APOBEC3A: variants seen among roughly 807,000 people sequenced by gnomAD.
APOBEC3A encodes the protein DNA dC->dU-editing enzyme APOBEC-3A.
In APOBEC3A, 13 loss-of-function variants were observed where a neutral mutation model predicts 23.0. That is an observed-to-expected ratio of 0.57 (90% CI 0.37 to 0.90). The LOEUF (loss-of-function observed/expected upper bound fraction) is 0.90, where lower values mean the gene tolerates loss of function less well. Ranked by LOEUF, APOBEC3A falls within the 40% of genes least tolerant of loss-of-function variation. The pLI, the probability that APOBEC3A is intolerant of heterozygous loss-of-function variation, is 0.01. For synonymous variants in APOBEC3A, 74 were observed against 101.3 expected, an observed-to-expected ratio of 0.73 and a Z score of 1.62; for missense variants, 179 against 264.9, an observed-to-expected ratio of 0.68 and a Z score of 2.25.
intron 1 of APOBEC3A, among the ~76,000 whole-genome samples, chr22:38,958,962 G>A (rs1420246269): frequency 2.0e-5 from 3 of 152,098 alleles, no homozygotes; most frequent in Non-Finnish European, 4.4e-5. Flanking sequence ...AGGTGGGGCT[G>A]GTGTTTCCAG....
chr22:38,962,023 C>G (rs1386062572), intron 3 of APOBEC3A, 75 bp from the exon 4 acceptor site: 35 of 1,541,478 alleles, frequency 2.3e-5, no homozygotes, highest in Admixed American at 7.5e-5. Context: ...GAAGTCTGTC[C>G]TGAGAGTCAT....
intron 1 of APOBEC3A, 82 bp downstream of exon 1, chr22:38,957,802 A>G: frequency 6.5e-7 from 1 of 1,532,276 alleles, no homozygotes; most frequent in South Asian, 1.2e-5. Flanking sequence ...CTCACCCTCA[A>G]ACCCCTGGGG....
At chr22:38,959,727 A>T in intron 2 of APOBEC3A, 41 bp downstream of exon 2, 1 of 1,598,804 alleles carries the variant, frequency 6.3e-7, no homozygotes, top group Non-Finnish European at 8.5e-7. Flanking sequence ...GGGCCCTTCC[A>T]ATCCAGGGAC....
intron 3 of APOBEC3A, 115 bp from the exon 4 acceptor site, chr22:38,961,983 G>A (rs546451620): frequency 1.4e-6 from 2 of 1,381,814 alleles, no homozygotes; most frequent in Non-Finnish European, 1.9e-6. Context: ...GGGAGGGAGA[G>A]GGAAAGGAGG....
rs140765870 is a variant in APOBEC3A, at chr22:38,959,610, T to C, written c.98T>C (p.Leu33Pro). 1.2e-6 allele frequency: 2 copies of C among 1,614,024 alleles called. No homozygotes were observed. Among genetic ancestry groups the C allele is most frequent in the Non-Finnish European group, 8.5e-7 (1 of 1,180,006 alleles). ...NNGIGRHKTY[L>P]CYEVERLDNG... ...GGCATTGGAAGGCATAAGACCTACC[T>C]GTGCTACGAAGTGGAGCGCCTGGAC... is the stretch of plus-strand genomic sequence containing the variant. Residue 33 changes from leucine (L) to proline (P), a missense_variant, in exon 2 of 5, where the codon CTG (leucine) becomes CCG (proline). Physicochemically the swap from Leu to Pro is moderately conservative, Grantham distance 98 (BLOSUM62 -3). Around this residue, in one of 5 missense-constraint regions of APOBEC3A, gnomAD observed 87 missense variants for 74.5 expected, o/e 1.17. Coordinates refer to ENST00000249116, the MANE Select transcript of APOBEC3A (RefSeq NM_145699.4).
Position 38,962,560 on chromosome 22 carries a change from A to C in APOBEC3A, c.*51A>C, listed in dbSNP as rs2146275757. 1.3e-6 allele frequency: 2 copies of C among 1,514,946 alleles called. No homozygotes were observed. Among genetic ancestry groups the C allele is most frequent in the East Asian group, 4.9e-5 (2 of 40,940 alleles). The allele number at this position is 1,514,946 out of a possible 1,614,324, so 93.8% of individuals were successfully genotyped here. A position where few individuals can be genotyped will look rare whatever the true frequency, so the allele number is the denominator to read the frequency against. On this transcript the variant is annotated 3_prime_UTR_variant, in exon 5 of 5. Coordinates refer to ENST00000249116, the MANE Select transcript of APOBEC3A (RefSeq NM_145699.4). ...GGCAGAGACCTGGGTTGAGCAGCAG[A>C]ATAAAAGATCTTCTTCCAAGAAATG...
rs753216422 is a variant in APOBEC3A at position 38,962,237 on chromosome 22, G to A, written c.585+24G>A. The A allele has an allele frequency of 3.6e-5, 58 of 1,613,600 alleles. 1 individual carries two copies. Among genetic ancestry groups the A allele is most frequent in the African/African-American group, 8.0e-5 (6 of 74,824 alleles). On this transcript the variant is annotated intron_variant, in intron 4 of 4. Transcript: ENST00000249116. ...AGGTGAGGGCTTCCTCCCTCTGCCC[G>A]GTGCCCCATCGGCCTCCCCCTCCTC...
intron 1 of APOBEC3A, among the ~76,000 whole-genome samples, chr22:38,958,759 ATC>A (rs368242761): frequency 1.3e-5 from 1 of 75,646 alleles, no homozygotes; most frequent in Non-Finnish European, 2.4e-5. Flanking sequence ...TCCTTCCTCC[ATC>A]TCTCTTTCTC....
Position 38,962,502 on chromosome 22 carries a change from G to C in APOBEC3A, c.593G>C (p.Gly198Ala). ...ACCCCCCTGCTCTTCCAGAATCAGG[G>C]AAACTGAAGGATGGGCCTCAGTCTC... Reference protein sequence around the residue: ...GRLRAILQNQGN With the variant: ...GRLRAILQNQAN The change falls in exon 5 of 5, where the codon GGA becomes GCA. Residue 198 changes from glycine to alanine, a missense_variant. Coordinates refer to ENST00000249116, the MANE Select transcript of APOBEC3A (RefSeq NM_145699.4). 6.3e-7 allele frequency: 1 copy of C among 1,596,694 alleles called. No individual in the cohort carries two copies. The highest frequency in any genetic ancestry group is 8.5e-7 in the Non-Finnish European group (1 of 1,171,944).
chr22:38,962,949 C>T lies in APOBEC3A; in HGVS notation c.*440C>T, dbSNP rs1416065341. 24 of 162,264 alleles carry T rather than the reference C, an allele frequency of 1.5e-4. 3 individuals are homozygous for T. In the Admixed American group the frequency reaches 1.6e-3, roughly 11 times the overall value. The allele number at this position is 162,264 out of a possible 1,614,324, so 10.1% of individuals were successfully genotyped here. On this transcript the variant is annotated 3_prime_UTR_variant, in exon 5 of 5. Transcript: ENST00000249116. ...CTCCAGCCTGGGCGACAGTACCAGA[C>T]TCCATCTCAAAAAAAAAAAAACCAG...
chr22:38,958,502 TTTCTTTCA>T (rs1466913181), intron 1 of APOBEC3A, among the ~76,000 whole-genome samples: 1 of 149,248 alleles, frequency 6.7e-6, no homozygotes, highest in Non-Finnish European at 1.5e-5. Flanking sequence ...TTTCTTTCTT[TTTCTTTCA>T]TTCTTTCCTT....
chr22:38,958,030 T>C (rs1922648719), intron 1 of APOBEC3A, among the ~76,000 whole-genome samples: 1 of 152,260 alleles, frequency 6.6e-6, no homozygotes, highest in African/African-American at 2.4e-5. Flanking sequence ...CACTTGTCTT[T>C]AAATGAGCAT....
intron 3 of APOBEC3A, 55 bp from the exon 4 acceptor site, chr22:38,962,043 G>A (rs1274842388): frequency 2.2e-5 from 35 of 1,572,002 alleles, no homozygotes; most frequent in Non-Finnish European, 2.9e-5. Flanking sequence ...TGGGCCCTAG[G>A]TGCCACCCCG....
At position 38,962,174 on chromosome 22, in the gene APOBEC3A, C is replaced by T; in HGVS notation, c.546C>T (p.His182=). ...PFQPWDGLDE[H]SQALSGRLRA... ...AGCCCTGGGATGGACTAGATGAGCA[C>T]AGCCAAGCCCTGAGTGGGAGGCTGC... The change falls in exon 4 of 5, where the codon CAC becomes CAT. Residue 182 remains histidine, a synonymous_variant. Coordinates refer to ENST00000249116, the MANE Select transcript of APOBEC3A (RefSeq NM_145699.4). 6.2e-7 allele frequency: 1 copy of T among 1,613,528 alleles called. No homozygotes were observed. Among genetic ancestry groups the T allele is most frequent in the Non-Finnish European group, 8.5e-7 (1 of 1,179,988 alleles).
chr22:38,961,802 C>A, intron 3 of APOBEC3A, 121 bp downstream of exon 3: 1 of 1,182,160 alleles, frequency 8.5e-7, no homozygotes, highest in Non-Finnish European at 1.2e-6. Context: ...TGGGACCTGA[C>A]TTTGGGGTCG....
rs954814368 is a variant in APOBEC3A, at chr22:38,962,196, C to T, written c.568C>T (p.Leu190=). The change falls in exon 4 of 5, where the codon CTG becomes TTG. Residue 190 remains leucine, a synonymous_variant. Coordinates refer to ENST00000249116, the MANE Select transcript of APOBEC3A (RefSeq NM_145699.4). ...DEHSQALSGR[L]RAILQNQGN ...GCACAGCCAAGCCCTGAGTGGGAGG[C>T]TGCGGGCCATTCTCCAGGTGAGGGC... 1 of 1,613,600 alleles carries T rather than the reference C, an allele frequency of 6.2e-7. No homozygotes were observed. The highest frequency in any genetic ancestry group is 1.7e-5 in the Admixed American group (1 of 60,022).
At chr22:38,961,878 G>A (rs981668988) in intron 3 of APOBEC3A, among the ~76,000 whole-genome samples, 197 bp downstream of exon 3, 3 of 152,008 alleles carry the variant, frequency 2.0e-5, no homozygotes, top group African/African-American at 7.3e-5. Context: ...GGCTGGAAGT[G>A]GAAGCAGAAC....
chr22:38,962,812 G>T lies in APOBEC3A; in HGVS notation c.*303G>T, dbSNP rs1922971159. The T allele has an allele frequency of 1.0e-5, 6 of 592,982 alleles. No individual in the cohort carries two copies. Among genetic ancestry groups the T allele is most frequent in the Admixed American group, 3.7e-5 (1 of 26,768 alleles). The allele number at this position is 592,982 out of a possible 1,614,324, so 36.7% of individuals were successfully genotyped here. A position where few individuals can be genotyped will look rare whatever the true frequency, so the allele number is the denominator to read the frequency against. On this transcript the variant is annotated 3_prime_UTR_variant, in exon 5 of 5. Transcript: ENST00000249116. ...TCTCTACTAAAAATACAAAAAATTA[G>T]CCAGGCGTGGTGGCGGGCGCCTGTA...
rs961947444 is a variant in APOBEC3A, at chr22:38,959,920, G to T, written c.174+234G>T. 2.0e-5 allele frequency among the ~76,000 whole-genome samples: 3 copies of T among 152,156 alleles called. No homozygotes were observed. The South Asian group carries it at 6.2e-4, about 31-fold the overall frequency. On this transcript the variant is annotated intron_variant, in intron 2 of 4. Coordinates refer to ENST00000249116, the MANE Select transcript of APOBEC3A (RefSeq NM_145699.4). ...AAGTGCTTCCTGAGGACCCTCCCAG[G>T]ATCCCCTCACAGACACAGCTCTCAC...
Sources: allele counts gnomAD v4.1 joint callset (sites outside exome capture counted in the v4.1 genomes callset), GRCh38; gene constraint gnomAD v4.1.1; regional missense constraint gnomAD v4.1.1; transcripts MANE v1.5; gene names NCBI Gene and HGNC (gene_info 2026-07-23, HGNC 2026-07-21).